EPHA6: variants seen among roughly 807,000 people sequenced by gnomAD.
The protein encoded by EPHA6 is ephrin type-A receptor 6.
A neutral mutation model predicts 112.0 loss-of-function variants in EPHA6; 50 were observed. The ratio of observed to expected loss-of-function variants is 0.45; its 90% CI spans 0.36 to 0.56. EPHA6 has a LOEUF of 0.56. EPHA6 is among the 20% of genes least tolerant of loss of function. EPHA6 has a pLI of 0.00. For synonymous variants in EPHA6, 529 were observed against 490.7 expected, an observed-to-expected ratio of 1.08 and a Z score of -1.03; for missense variants, 1,280 against 1,417.4, an observed-to-expected ratio of 0.90 and a Z score of 1.56.
At chr3:97,165,992 A>G (rs1220451304) in intron 3 of EPHA6, among the ~76,000 whole-genome samples, 1 of 152,138 alleles carries the variant, frequency 6.6e-6, no homozygotes, top group African/African-American at 2.4e-5. Context: ...CTGTGTACCT[A>G]TGAAGATGTG....
At position 96,914,114 on chromosome 3, in the gene EPHA6, C is replaced by T. The variant is rs888989264; in HGVS notation, c.450+47225C>T. 3.9e-5 allele frequency among the ~76,000 whole-genome samples: 6 copies of T among 152,032 alleles called. No homozygotes were observed. In the East Asian group the frequency reaches 1.2e-3, roughly 29 times the overall value. On this transcript the variant is annotated intron_variant, in intron 2 of 17. Transcript: ENST00000389672. ...ACTCCAGAAGCTGCATTTCAACTTT[C>T]AAATTATTTTCATGCCGGCACAAAA...
At chr3:97,401,973 T>C (rs1178394051) in intron 5 of EPHA6, among the ~76,000 whole-genome samples, 3 of 151,978 alleles carry the variant, frequency 2.0e-5, no homozygotes, top group East Asian at 1.9e-4. Flanking sequence ...GTTTTTGAGG[T>C]TCATCTTACT....
Position 97,363,208 on chromosome 3 carries a change from ATATATATATATATATATATATATATAT to A in EPHA6, c.1607-41941_1607-41915del, listed in dbSNP as rs2084487079. Among the ~76,000 whole-genome samples, 4 of 87,316 alleles carry A rather than the reference ATATATATATATATATATATATATATAT, an allele frequency of 4.6e-5. 1 individual carries two copies. Among genetic ancestry groups the A allele is most frequent in the Admixed American group, 4.4e-4 (4 of 9,068 alleles). 57.3% of individuals were successfully genotyped at this position (87,316 alleles called of 152,430 possible). A position where few individuals can be genotyped will look rare whatever the true frequency, so the allele number is the denominator to read the frequency against. ...TATATATATATATATATATATATAT[ATATATATATATATATATATATATATAT>A]ATAAATCTCAGATGCTACAAAAACT... On this transcript the variant is annotated intron_variant, in intron 5 of 17. Transcript: ENST00000389672.
chr3:96,846,972 G>T (rs561294471), intron 1 of EPHA6, among the ~76,000 whole-genome samples: 40 of 152,094 alleles, frequency 2.6e-4, no homozygotes, highest in African/African-American at 7.9e-4. Flanking sequence ...GTTTTACTTC[G>T]CATCTTTATG....
At chr3:97,668,739 A>T (rs866159600) in intron 14 of EPHA6, among the ~76,000 whole-genome samples, 1 of 150,168 alleles carries the variant, frequency 6.7e-6, no homozygotes, top group Non-Finnish European at 1.5e-5. Context: ...CATGGCAAAA[A>T]CCTGTCTCTA....
At chr3:97,345,090 A>G (rs1168384355) in intron 5 of EPHA6, among the ~76,000 whole-genome samples, 2 of 152,160 alleles carry the variant, frequency 1.3e-5, no homozygotes, top group African/African-American at 4.8e-5. Context: ...GGAAAAAAAA[A>G]AGGTCCAACC....
At chr3:97,051,305 A>T (rs1045231746) in intron 3 of EPHA6, among the ~76,000 whole-genome samples, 9 of 152,158 alleles carry the variant, frequency 5.9e-5, no homozygotes, top group African/African-American at 1.9e-4. Context: ...GAGCAAAGAA[A>T]TACTTATTAA....
In EPHA6 at chr3:97,743,471, T is replaced by G. The variant is rs564909282; in HGVS notation, c.3129-3952T>G. ...AGAAACATGCTGTAAGACTACATACTCATGTCTACTAAAAGAATGTTGTTA... is the reference window on the plus strand; with the variant it reads ...AGAAACATGCTGTAAGACTACATACGCATGTCTACTAAAAGAATGTTGTTA... On this transcript the variant is annotated intron_variant, in intron 16 of 17. Transcript: ENST00000389672. Among the ~76,000 whole-genome samples, 3 of 152,252 alleles carry G rather than the reference T, an allele frequency of 2.0e-5. No homozygotes were observed. The South Asian group carries it at 6.2e-4, about 32-fold the overall frequency.
chr3:97,578,310 G>T (rs1021252019), intron 11 of EPHA6, among the ~76,000 whole-genome samples: 3 of 152,024 alleles, frequency 2.0e-5, no homozygotes, highest in Non-Finnish European at 4.4e-5. Flanking sequence ...GCTGTCTTCA[G>T]CACACTGTCC....
At chr3:97,494,733 A>G (rs2091933989) in intron 10 of EPHA6, among the ~76,000 whole-genome samples, 1 of 152,190 alleles carries the variant, frequency 6.6e-6, no homozygotes, top group South Asian at 2.1e-4. Context: ...ATGATCTTAC[A>G]ACACTGCCTA....
chr3:96,957,696 C>A (rs1183875463), intron 2 of EPHA6, among the ~76,000 whole-genome samples: 2 of 152,130 alleles, frequency 1.3e-5, no homozygotes, highest in African/African-American at 4.8e-5. Flanking sequence ...TAATTTAATT[C>A]TGTTAATTTT....
At chr3:97,327,335 G>A (rs1217769027) in intron 5 of EPHA6, among the ~76,000 whole-genome samples, 1 of 151,956 alleles carries the variant, frequency 6.6e-6, no homozygotes, top group African/African-American at 2.4e-5. Flanking sequence ...ATAATACAGA[G>A]ATCCCTTGTG....
chr3:97,477,793 A>AAGTTATATACAATTTC (rs11269059), intron 8 of EPHA6, among the ~76,000 whole-genome samples: 28,709 of 151,884 alleles, frequency 0.19, 4,081 homozygotes, highest in African/African-American at 0.38. Flanking sequence ...AATTATCATG[A>AAGTTATATACAATTTC]AGGACAATCT....
chr3:97,000,513 C>G (rs988768320), intron 3 of EPHA6, among the ~76,000 whole-genome samples: 3 of 151,740 alleles, frequency 2.0e-5, no homozygotes, highest in Admixed American at 6.6e-5. Flanking sequence ...TTGTTGAGGG[C>G]TTTCCATCAT....
chr3:97,055,805 T>G (rs2045833057), intron 3 of EPHA6, among the ~76,000 whole-genome samples: 1 of 152,092 alleles, frequency 6.6e-6, no homozygotes, highest in African/African-American at 2.4e-5. Context: ...ATAATGTATT[T>G]CCTAGGGGAT....
intron 15 of EPHA6, among the ~76,000 whole-genome samples, chr3:97,726,783 TG>T (rs1268579421): frequency 1.3e-5 from 2 of 152,090 alleles, no homozygotes; most frequent in Non-Finnish European, 2.9e-5. Context: ...AAGGGCACCG[TG>T]GTTCTTCCCT....
At chr3:97,246,682 T>A (rs1195203599) in intron 5 of EPHA6, among the ~76,000 whole-genome samples, 1 of 151,666 alleles carries the variant, frequency 6.6e-6, no homozygotes, top group African/African-American at 2.4e-5. Flanking sequence ...TATTTGAAAG[T>A]ACATAAAGGT....
At chr3:97,427,697 A>T (rs1197010648) in intron 6 of EPHA6, among the ~76,000 whole-genome samples, 1 of 152,170 alleles carries the variant, frequency 6.6e-6, no homozygotes, top group African/African-American at 2.4e-5. Context: ...ATTAAAAAAA[A>T]AATGTGGTAC....
intron 10 of EPHA6, among the ~76,000 whole-genome samples, chr3:97,531,763 G>A (rs1271426234): frequency 6.6e-6 from 1 of 152,038 alleles, no homozygotes; most frequent in Non-Finnish European, 1.5e-5. Context: ...TTACCCAATG[G>A]AGACAATGCT....
Sources: allele counts gnomAD v4.1 joint callset (sites outside exome capture counted in the v4.1 genomes callset), GRCh38; gene constraint gnomAD v4.1.1; transcripts MANE v1.5; gene names NCBI Gene and HGNC (gene_info 2026-07-23, HGNC 2026-07-21).